Variants in FMN1 observed in about 807,000 individuals in gnomAD.
FMN1 encodes the protein formin-1.
In FMN1, 110 loss-of-function variants were observed where a neutral mutation model predicts 132.4. The observed-to-expected ratio is 0.83, with a 90% CI of 0.71 to 0.97. The LOEUF (loss-of-function observed/expected upper bound fraction) is 0.97, where lower values mean the gene tolerates loss of function less well. Ranked by LOEUF, FMN1 falls within the 50% of genes least tolerant of loss-of-function variation. The probability of loss-of-function intolerance (pLI) is 0.00; values close to 1 mark genes in which losing one functional copy is unlikely to be tolerated. For missense variants in FMN1, 1,792 were observed against 1,705.3 expected (o/e 1.05, Z -0.90); for synonymous variants, 722 against 651.7 (o/e 1.11, Z -1.64).
chr15:32,824,038 G>A (rs1207726636), intron 17 of FMN1, among the ~76,000 whole-genome samples: 1 of 152,226 alleles, frequency 6.6e-6, no homozygotes, highest in Non-Finnish European at 1.5e-5. Context: ...AGATTTCACT[G>A]AAGTGCTGGA....
At chr15:32,939,288 T>C (rs2061349459) in intron 9 of FMN1, among the ~76,000 whole-genome samples, 1 of 152,200 alleles carries the variant, frequency 6.6e-6, no homozygotes, top group Non-Finnish European at 1.5e-5. Context: ...ATGTTCATTA[T>C]CAAATCTTAC....
intron 6 of FMN1, among the ~76,000 whole-genome samples, chr15:33,034,378 C>T (rs553199488): frequency 1.3e-5 from 2 of 152,026 alleles, no homozygotes; most frequent in South Asian, 4.2e-4. Context: ...AGTTTGAGAC[C>T]AGCCTGGGCA....
chr15:32,937,711 TCTGAGA>T (rs2061311104), intron 9 of FMN1, among the ~76,000 whole-genome samples: 1 of 152,242 alleles, frequency 6.6e-6, no homozygotes, highest in African/African-American at 2.4e-5. Context: ...AGCAGACTGA[TCTGAGA>T]CTGAGTCAGG....
chr15:33,065,249 G>A (rs184866533), intron 5 of FMN1, among the ~76,000 whole-genome samples, 175 bp from the exon 6 acceptor site: 14 of 152,092 alleles, frequency 9.2e-5, no homozygotes, highest in East Asian at 7.7e-4. Flanking sequence ...GAAGTGTAAC[G>A]TGATCAGTTG....
At chr15:32,785,279 A>G (rs1310468718) in intron 19 of FMN1, among the ~76,000 whole-genome samples, 1 of 136,968 alleles carries the variant, frequency 7.3e-6, no homozygotes, top group East Asian at 2.1e-4. Flanking sequence ...CTGGTCTCAA[A>G]CTCCTGAACT....
intron 9 of FMN1, among the ~76,000 whole-genome samples, chr15:32,956,720 A>G (rs541214983): frequency 6.6e-6 from 1 of 152,242 alleles, no homozygotes; most frequent in South Asian, 2.1e-4. Flanking sequence ...CAAACCTATC[A>G]CCACCCTCAT....
intron 6 of FMN1, among the ~76,000 whole-genome samples, chr15:33,035,914 T>C (rs186570308): frequency 1.6e-4 from 25 of 152,280 alleles, no homozygotes; most frequent in Admixed American, 1.6e-3. Flanking sequence ...AGTGGGTTAA[T>C]GGACTGTCAT....
At chr15:33,065,186 T>C (rs1433787923) in intron 5 of FMN1, 112 bp from the exon 6 acceptor site, 14 of 640,406 alleles carry the variant, frequency 2.2e-5, no homozygotes, top group Middle Eastern at 2.7e-4. Context: ...TAGTTGCACA[T>C]TGCTCTCATT....
At chr15:33,004,841 T>C (rs558277687) in intron 7 of FMN1, among the ~76,000 whole-genome samples, 67 of 152,288 alleles carry the variant, frequency 4.4e-4, no homozygotes, top group Non-Finnish European at 7.2e-4. Flanking sequence ...ATATACACCA[T>C]GGAATACTAT....
At chr15:32,807,273 A>G (rs767753934) in intron 17 of FMN1, among the ~76,000 whole-genome samples, 3 of 152,242 alleles carry the variant, frequency 2.0e-5, no homozygotes, top group East Asian at 1.9e-4. Context: ...TTCAGCTTTC[A>G]TAAGTGCATC....
intron 4 of FMN1, among the ~76,000 whole-genome samples, chr15:33,136,238 T>C (rs1963760827): frequency 1.3e-5 from 2 of 152,222 alleles, no homozygotes; most frequent in South Asian, 4.1e-4. Flanking sequence ...CTCTGAGTCT[T>C]AGCTCCATCC....
At chr15:33,039,771 C>T (rs2036345096) in intron 6 of FMN1, among the ~76,000 whole-genome samples, 1 of 152,062 alleles carries the variant, frequency 6.6e-6, no homozygotes, top group African/African-American at 2.4e-5. Context: ...TCCATTACCA[C>T]TCGGTGTCAT....
chr15:33,098,357 C>T (rs997059544), intron 4 of FMN1, among the ~76,000 whole-genome samples: 10 of 152,196 alleles, frequency 6.6e-5, no homozygotes, highest in Non-Finnish European at 1.3e-4. Context: ...TCAGTGACCA[C>T]ATGCTTCCTG....
intron 4 of FMN1, among the ~76,000 whole-genome samples, chr15:33,147,908 T>C (rs994008085): frequency 2.6e-5 from 4 of 152,162 alleles, no homozygotes; most frequent in Non-Finnish European, 5.9e-5. Flanking sequence ...CACTGTTAAA[T>C]TTTAAGAGCT....
chr15:32,963,104 CAAT>C (rs2030775340), intron 9 of FMN1, among the ~76,000 whole-genome samples: 1 of 149,204 alleles, frequency 6.7e-6, no homozygotes, highest in South Asian at 2.1e-4. Context: ...AAATGCCCAA[CAAT>C]GATAGACTGG....
chr15:32,925,295 T>C (rs1325555475), intron 10 of FMN1, among the ~76,000 whole-genome samples: 3 of 152,172 alleles, frequency 2.0e-5, no homozygotes, highest in Non-Finnish European at 4.4e-5. Context: ...CAGGCAAAGA[T>C]AATAAGTGCT....
chr15:33,151,784 T>C (rs1255467246), intron 4 of FMN1, among the ~76,000 whole-genome samples: 4 of 152,164 alleles, frequency 2.6e-5, no homozygotes, highest in African/African-American at 2.4e-5. Context: ...ATCACTAGGG[T>C]TCTGCAATAC....
chr15:33,024,625 A>C (rs2035582167), intron 6 of FMN1, among the ~76,000 whole-genome samples: 1 of 152,216 alleles, frequency 6.6e-6, no homozygotes, highest in Admixed American at 6.5e-5. Context: ...TGTTGATGGG[A>C]GCATTAACTG....
At chr15:32,863,276 A>T (rs745451987) in intron 16 of FMN1, among the ~76,000 whole-genome samples, 3 of 151,792 alleles carry the variant, frequency 2.0e-5, no homozygotes, top group Non-Finnish European at 4.4e-5. Flanking sequence ...TCTCTACTAA[A>T]AATACAAAAA....
Sources: allele counts gnomAD v4.1 joint callset (sites outside exome capture counted in the v4.1 genomes callset), GRCh38; gene constraint gnomAD v4.1.1; transcripts MANE v1.5; gene names NCBI Gene and HGNC (gene_info 2026-07-23, HGNC 2026-07-21).